SEL1L2: variants seen among roughly 807,000 people sequenced by gnomAD.
The protein encoded by SEL1L2 is protein sel-1 homolog 2.
A neutral mutation model predicts 98.8 loss-of-function variants in SEL1L2; 89 were observed. That is an observed-to-expected ratio of 0.90 (90% CI 0.76 to 1.07). The LOEUF is 1.07. Ranked by LOEUF, SEL1L2 falls within the 50% of genes least tolerant of loss-of-function variation. SEL1L2 has a pLI of 0.00. For synonymous variants in SEL1L2, 262 were observed against 278.5 expected, an observed-to-expected ratio of 0.94 and a Z score of 0.59; for missense variants, 788 against 812.0, an observed-to-expected ratio of 0.97 and a Z score of 0.36.
At chr20:13,904,726 ATCTTCTG>A (rs754897134) in intron 5 of SEL1L2, among the ~76,000 whole-genome samples, 16 of 152,164 alleles carry the variant, frequency 1.1e-4, no homozygotes, top group Non-Finnish European at 2.2e-4. Flanking sequence ...TTTTAAGGAT[ATCTTCTG>A]CCAATATTAG....
At chr20:13,907,695 T>TC (rs1332366556) in intron 5 of SEL1L2, among the ~76,000 whole-genome samples, 1 of 140,960 alleles carries the variant, frequency 7.1e-6, no homozygotes, top group East Asian at 2.1e-4. Context: ...TTTCTTTCTT[T>TC]CTTTCTCTTT....
At chr20:13,955,980 G>A (rs2050517318) in intron 2 of SEL1L2, 96 bp downstream of exon 2, 1 of 683,670 alleles carries the variant, frequency 1.5e-6, no homozygotes, top group Non-Finnish European at 2.6e-6. Context: ...AAAAAAAAAA[G>A]AGACAATAGT....
intron 3 of SEL1L2, among the ~76,000 whole-genome samples, chr20:13,919,464 A>C (rs1400418781): frequency 6.6e-6 from 1 of 152,210 alleles, no homozygotes; most frequent in Non-Finnish European, 1.5e-5. Context: ...CTGGTATATA[A>C]GAGGGGCAGG....
At chr20:13,936,206 G>T (rs1414565055) in intron 2 of SEL1L2, among the ~76,000 whole-genome samples, 1 of 152,134 alleles carries the variant, frequency 6.6e-6, no homozygotes, top group Non-Finnish European at 1.5e-5. Context: ...AAAGAGATCT[G>T]ACCTAACCAG....
chr20:13,909,122 T>A (rs563892507), intron 5 of SEL1L2, among the ~76,000 whole-genome samples: 1 of 152,256 alleles, frequency 6.6e-6, no homozygotes, highest in East Asian at 1.9e-4. Flanking sequence ...TCTCTCTCAT[T>A]TTCTCTCTCT....
intron 10 of SEL1L2, among the ~76,000 whole-genome samples, chr20:13,883,807 A>G (rs1381394066): frequency 6.6e-6 from 1 of 152,244 alleles, no homozygotes. Context: ...AGCTGAAGCT[A>G]GGATGCCCTC....
chr20:13,880,925 C>G (rs76232422), intron 10 of SEL1L2, among the ~76,000 whole-genome samples: 4,880 of 152,184 alleles, frequency 0.032, 101 homozygotes, highest in African/African-American at 0.046. Flanking sequence ...TTCATTGGCT[C>G]TAAGAAAATC....
chr20:13,849,283 C>A lies in SEL1L2; in HGVS notation c.*202G>T. On this transcript the variant is annotated 3_prime_UTR_variant, in exon 20 of 20. Coordinates refer to ENST00000284951, the MANE Select transcript of SEL1L2 (RefSeq NM_025229.2). ...AAGGTCTTAGGTGACCAGTTCCCAG[C>A]ATCCCGCAAAGGGTTTTCTCTACTA... 4 of 560,640 alleles carry A rather than the reference C, an allele frequency of 7.1e-6. No homozygotes were observed. In the East Asian group the frequency reaches 9.9e-5, roughly 14 times the overall value. The allele number at this position is 560,640 out of a possible 1,614,324, so 34.7% of individuals were successfully genotyped here.
intron 1 of SEL1L2, among the ~76,000 whole-genome samples, chr20:13,978,546 A>G (rs1004432790): frequency 2.0e-5 from 3 of 152,204 alleles, no homozygotes; most frequent in African/African-American, 7.2e-5. Flanking sequence ...CATATGATCC[A>G]TCAATCCTAC....
chr20:13,949,581 T>C (rs918617053), intron 2 of SEL1L2, among the ~76,000 whole-genome samples: 6 of 151,988 alleles, frequency 3.9e-5, no homozygotes, highest in Admixed American at 1.3e-4. Context: ...GAGAATGGCA[T>C]GAACCCAGGA....
At chr20:13,851,205 T>C (rs548264590) in intron 18 of SEL1L2, 2 of 152,192 alleles carry the variant, frequency 1.3e-5, no homozygotes, top group East Asian at 3.9e-4. Context: ...CCAGCCTGGA[T>C]GACAGAGTGA....
At position 13,865,533 on chromosome 20, in the gene SEL1L2, A is replaced by G; in HGVS notation, c.1405-19T>C. On this transcript the variant is annotated intron_variant, in intron 15 of 19. Transcript: ENST00000284951. ...TATAAAGCTGTACATGAGAGGAGAA[A>G]TCAAGGAGACTAGTTAGCCAGTATG... is the stretch of plus-strand genomic sequence containing the variant. 1 of 1,604,666 alleles carries G rather than the reference A, an allele frequency of 6.2e-7. No homozygotes were observed. Among genetic ancestry groups the G allele is most frequent in the South Asian group, 1.1e-5 (1 of 89,908 alleles).
At chr20:13,871,543 A>C in intron 12 of SEL1L2, among the ~76,000 whole-genome samples, 1 of 149,582 alleles carries the variant, frequency 6.7e-6, no homozygotes, top group African/African-American at 2.5e-5. Flanking sequence ...ACGGAGTCTC[A>C]CTCTGTTGCC....
intron 2 of SEL1L2, among the ~76,000 whole-genome samples, chr20:13,945,881 T>G (rs1390689773): frequency 6.6e-6 from 1 of 152,140 alleles, no homozygotes; most frequent in Non-Finnish European, 1.5e-5. Flanking sequence ...TGACAAAATT[T>G]GACATGCTTT....
At chr20:13,919,946 T>C (rs2048579455) in intron 3 of SEL1L2, among the ~76,000 whole-genome samples, 1 of 142,656 alleles carries the variant, frequency 7.0e-6, no homozygotes, top group Non-Finnish European at 1.5e-5. Flanking sequence ...AAAATGTTAT[T>C]GGCCAGGTGA....
chr20:13,975,446 AAC>A (rs1339236265), intron 1 of SEL1L2, among the ~76,000 whole-genome samples: 1 of 152,196 alleles, frequency 6.6e-6, no homozygotes, highest in African/African-American at 2.4e-5. Flanking sequence ...GGAGAATTCA[AAC>A]TTAAAATAAC....
intron 1 of SEL1L2, among the ~76,000 whole-genome samples, chr20:13,983,634 G>A (rs1418208017): frequency 2.0e-5 from 3 of 151,842 alleles, no homozygotes; most frequent in South Asian, 2.1e-4. Flanking sequence ...CGATTCTCCC[G>A]CCTCAGCCTC....
chr20:13,867,697 CAAATGAGTTAAAACATACG>C (rs1156894794), intron 14 of SEL1L2, among the ~76,000 whole-genome samples: 20 of 152,218 alleles, frequency 1.3e-4, no homozygotes, highest in Non-Finnish European at 2.2e-4. Flanking sequence ...TTGAGAGGGT[CAAATGAGTTAAAACATACG>C]AAATGAGTTA....
At chr20:13,938,383 A>G (rs1454811526) in intron 2 of SEL1L2, among the ~76,000 whole-genome samples, 2 of 152,098 alleles carry the variant, frequency 1.3e-5, no homozygotes, top group Non-Finnish European at 2.9e-5. Flanking sequence ...CTGGTCCAGA[A>G]AACCTTTTTA....
Sources: allele counts gnomAD v4.1 joint callset (sites outside exome capture counted in the v4.1 genomes callset), GRCh38; gene constraint gnomAD v4.1.1; transcripts MANE v1.5; gene names NCBI Gene and HGNC (gene_info 2026-07-23, HGNC 2026-07-21).